DNAI4: variants seen among roughly 807,000 people sequenced by gnomAD.
The protein encoded by DNAI4 is dynein axonemal intermediate chain 4.
DNAI4 carries 85 observed loss-of-function variants against 105.8 expected under a neutral mutation model. The ratio of observed to expected loss-of-function variants is 0.80; its 90% CI spans 0.67 to 0.96. DNAI4 has a LOEUF of 0.96. Ranked by LOEUF, DNAI4 falls within the 40% of genes least tolerant of loss-of-function variation. The probability of loss-of-function intolerance (pLI) is 0.00; values close to 1 mark genes in which losing one functional copy is unlikely to be tolerated. For synonymous variants in DNAI4, 352 were observed against 331.5 expected, an observed-to-expected ratio of 1.06 and a Z score of -0.67; for missense variants, 1,014 against 1,005.6, an observed-to-expected ratio of 1.01 and a Z score of -0.11.
At chr1:66,816,635 C>T (rs1413023368) in intron 16 of DNAI4, among the ~76,000 whole-genome samples, 3 of 151,174 alleles carry the variant, frequency 2.0e-5, no homozygotes, top group Non-Finnish European at 4.4e-5. Flanking sequence ...TGACCAAAAA[C>T]ATGAAAAACA....
At chr1:66,893,485 T>C (rs1648044002) in intron 2 of DNAI4, 72 bp from the exon 3 acceptor site, 2 of 1,079,964 alleles carry the variant, frequency 1.9e-6, no homozygotes, top group Middle Eastern at 4.3e-4. Flanking sequence ...TGCTAGAAAA[T>C]AGAAACAAAT....
chr1:66,850,763 G>C (rs1166999121), intron 7 of DNAI4, among the ~76,000 whole-genome samples: 2 of 151,862 alleles, frequency 1.3e-5, no homozygotes, highest in African/African-American at 4.8e-5. Context: ...CGCTTTACTT[G>C]AACTGGTAAA....
At chr1:66,844,084 CAAAAAAAA>C (rs55925419) in intron 8 of DNAI4, among the ~76,000 whole-genome samples, 2 of 66,358 alleles carry the variant, frequency 3.0e-5, no homozygotes, top group African/African-American at 6.1e-5. Flanking sequence ...ACTGGAGATT[CAAAAAAAA>C]AAAAAAAAAA....
At chr1:66,882,689 T>C (rs150100991) in intron 4 of DNAI4, among the ~76,000 whole-genome samples, 1 of 152,308 alleles carries the variant, frequency 6.6e-6, no homozygotes, top group East Asian at 1.9e-4. Flanking sequence ...GTGTACTTGA[T>C]TGTGATAGCT....
chr1:66,857,551 T>G (rs949835464), intron 7 of DNAI4, among the ~76,000 whole-genome samples: 2 of 151,408 alleles, frequency 1.3e-5, no homozygotes, highest in Non-Finnish European at 3.0e-5. Context: ...TTTTTTTTTT[T>G]GAGATAGAGT....
chr1:66,891,118 G>A, intron 4 of DNAI4, 36 bp downstream of exon 4: 1 of 1,414,866 alleles, frequency 7.1e-7, no homozygotes, highest in East Asian at 2.3e-5. Flanking sequence ...CTAAATAACG[G>A]ACTGTTACTG....
chr1:66,857,244 C>A (rs1044442839), intron 7 of DNAI4, among the ~76,000 whole-genome samples: 10 of 148,114 alleles, frequency 6.8e-5, no homozygotes, highest in African/African-American at 2.5e-4. Flanking sequence ...GGAGAAAAAA[C>A]CAAACACCAC....
intron 7 of DNAI4, among the ~76,000 whole-genome samples, chr1:66,858,949 A>G (rs1241591311): frequency 6.6e-6 from 1 of 152,198 alleles, no homozygotes; most frequent in African/African-American, 2.4e-5. Flanking sequence ...GTTTTTAGAT[A>G]TAGCATCAAA....
chr1:66,853,340 T>G (rs537290751), intron 7 of DNAI4, among the ~76,000 whole-genome samples: 1 of 152,206 alleles, frequency 6.6e-6, no homozygotes, highest in Non-Finnish European at 1.5e-5. Flanking sequence ...GGAACTTACA[T>G]GATTCTAGTG....
intron 4 of DNAI4, among the ~76,000 whole-genome samples, chr1:66,876,737 C>G (rs1306927140): frequency 6.6e-6 from 1 of 152,136 alleles, no homozygotes; most frequent in Non-Finnish European, 1.5e-5. Context: ...TTTGAGTACA[C>G]CTCTCTCTCC....
chr1:66,887,535 C>G (rs1291509360), intron 4 of DNAI4, among the ~76,000 whole-genome samples: 4 of 151,882 alleles, frequency 2.6e-5, no homozygotes, highest in African/African-American at 4.8e-5. Context: ...TTAGAACAGG[C>G]TAATTTCAGG....
rs1645454827 is a variant in DNAI4 at position 66,813,497 on chromosome 1, GT to G, written c.*632del. Reference sequence around the variant, plus strand: ...CTGGGCAAACAGAGAAGAGTACCCTGTTGTGTCCCAGATGAATTTTTCTCAC... The same window carrying G: ...CTGGGCAAACAGAGAAGAGTACCCTGTGTGTCCCAGATGAATTTTTCTCAC... On this transcript the variant is annotated 3_prime_UTR_variant, in exon 17 of 17. Transcript: ENST00000371026. 6 of 152,452 alleles carry G rather than the reference GT, an allele frequency of 3.9e-5. No homozygotes were observed. The highest frequency in any genetic ancestry group is 1.4e-4 in the African/African-American group (6 of 41,564). 9.4% of individuals were successfully genotyped at this position (152,452 alleles called of 1,614,324 possible).
At position 66,822,476 on chromosome 1, in the gene DNAI4, T is replaced by A; in HGVS notation, c.2381A>T (p.Lys794Met). Residue 794 changes from lysine to methionine, a missense_variant, in exon 16 of 17, where the codon AAG becomes ATG. By Grantham distance (95) the Lys-to-Met change is moderately conservative. Transcript: ENST00000371026. ...TTTGGCAAAGAGAATGGTTGTGAAC[T>A]TGATTCCAGGGTTAGCAGTATTCAC... ...LIVNTANPGI[K>M]FTTILFAKQT... 6.2e-7 allele frequency: 1 copy of A among 1,612,562 alleles called. No homozygotes were observed. Among genetic ancestry groups the A allele is most frequent in the South Asian group, 1.1e-5 (1 of 90,778 alleles).
chr1:66,877,429 A>G (rs1646980708), intron 4 of DNAI4, among the ~76,000 whole-genome samples: 1 of 152,204 alleles, frequency 6.6e-6, no homozygotes, highest in South Asian at 2.1e-4. Flanking sequence ...CCAAGGGCTT[A>G]GCAATAATTG....
intron 13 of DNAI4, among the ~76,000 whole-genome samples, chr1:66,831,584 A>G (rs1378649104): frequency 6.6e-6 from 1 of 152,190 alleles, no homozygotes; most frequent in Non-Finnish European, 1.5e-5. Context: ...ATTCCAAATA[A>G]GAACCACCCA....
intron 16 of DNAI4, among the ~76,000 whole-genome samples, chr1:66,816,598 A>G (rs1045522540): frequency 5.3e-5 from 8 of 152,162 alleles, no homozygotes; most frequent in Non-Finnish European, 1.0e-4. Flanking sequence ...CTCCCAAAAA[A>G]TATAACCCTA....
intron 7 of DNAI4, among the ~76,000 whole-genome samples, chr1:66,857,514 T>C (rs1405890576): frequency 6.6e-6 from 1 of 151,652 alleles, no homozygotes; most frequent in South Asian, 2.1e-4. Context: ...AAAGAAATAA[T>C]GTTAAAGACT....
intron 2 of DNAI4, among the ~76,000 whole-genome samples, chr1:66,895,410 G>A (rs1425977488): frequency 1.3e-5 from 2 of 152,188 alleles, no homozygotes; most frequent in South Asian, 2.1e-4. Context: ...TGAGGATATA[G>A]TGAGCTATGA....
chr1:66,901,065 G>C (rs892643652), intron 2 of DNAI4, among the ~76,000 whole-genome samples: 3 of 152,012 alleles, frequency 2.0e-5, no homozygotes, highest in Admixed American at 2.0e-4. Flanking sequence ...CTAGTTTGTT[G>C]CGTGTTTATA....
Sources: allele counts gnomAD v4.1 joint callset (sites outside exome capture counted in the v4.1 genomes callset), GRCh38; gene constraint gnomAD v4.1.1; transcripts MANE v1.5; gene names NCBI Gene and HGNC (gene_info 2026-07-23, HGNC 2026-07-21).